FRMD4A: variants seen among roughly 807,000 people sequenced by gnomAD.
FRMD4A encodes FERM domain containing 4A.
Under a neutral mutation model 129.1 loss-of-function variants are expected in FRMD4A, and 29 were observed. The ratio of observed to expected loss-of-function variants is 0.22; its 90% CI spans 0.17 to 0.31. The LOEUF (loss-of-function observed/expected upper bound fraction) is 0.31. Ranked by LOEUF, FRMD4A falls within the 10% of genes least tolerant of loss-of-function variation. The pLI is 1.00. For missense variants in FRMD4A, 1,272 were observed against 1,375.8 expected (o/e 0.92, Z 1.19); for synonymous variants, 634 against 571.6 (o/e 1.11, Z -1.56).
chr10:14,061,492 A>G (rs1317109378), intron 2 of FRMD4A, among the ~76,000 whole-genome samples: 1 of 152,172 alleles, frequency 6.6e-6, no homozygotes, highest in Non-Finnish European at 1.5e-5. Context: ...CATTTTAAAT[A>G]TATTATTGAT....
intron 2 of FRMD4A, among the ~76,000 whole-genome samples, chr10:14,090,376 T>C (rs1836591078): frequency 6.6e-6 from 1 of 152,086 alleles, no homozygotes; most frequent in African/African-American, 2.4e-5. Context: ...GTAAATGTAG[T>C]ACAGTCAAGG....
At chr10:13,959,399 G>A (rs1367977527) in intron 2 of FRMD4A, among the ~76,000 whole-genome samples, 1 of 146,528 alleles carries the variant, frequency 6.8e-6, no homozygotes, top group Non-Finnish European at 1.5e-5. Context: ...TTGAACCCGG[G>A]AGGCAGAGGT....
At chr10:14,131,435 A>G (rs930214054) in intron 2 of FRMD4A, among the ~76,000 whole-genome samples, 4 of 146,022 alleles carry the variant, frequency 2.7e-5, no homozygotes, top group African/African-American at 1.0e-4. Context: ...GTGCTGAGTC[A>G]CTTTGGTTCA....
intron 21 of FRMD4A, among the ~76,000 whole-genome samples, chr10:13,658,975 G>A (rs1016806334): frequency 6.6e-6 from 1 of 151,972 alleles, no homozygotes; most frequent in Admixed American, 6.6e-5. Context: ...ACATTTTGAG[G>A]CACTAAAGGA....
intron 2 of FRMD4A, among the ~76,000 whole-genome samples, chr10:14,120,654 C>T (rs542062396): frequency 6.6e-6 from 1 of 152,148 alleles, no homozygotes; most frequent in African/African-American, 2.4e-5. Flanking sequence ...TCCACCTTTC[C>T]TTGCAGTTAG....
chr10:14,065,829 T>C (rs1835028574), intron 2 of FRMD4A, among the ~76,000 whole-genome samples: 1 of 152,180 alleles, frequency 6.6e-6, no homozygotes, highest in African/African-American at 2.4e-5. Flanking sequence ...ATTCAGGGTC[T>C]GAACAAACCA....
chr10:13,949,318 A>G (rs1008598868), intron 2 of FRMD4A, among the ~76,000 whole-genome samples: 1 of 144,748 alleles, frequency 6.9e-6, no homozygotes, highest in Non-Finnish European at 1.5e-5. Flanking sequence ...AAAAAAAAAA[A>G]GAAAGAAAGA....
intron 2 of FRMD4A, among the ~76,000 whole-genome samples, chr10:14,310,395 C>T (rs1473490191): frequency 6.6e-6 from 1 of 152,200 alleles, no homozygotes; most frequent in Non-Finnish European, 1.5e-5. Context: ...CAGAATTTCC[C>T]TTTTAACAAA....
At chr10:14,175,542 T>TA (rs10691411) in intron 2 of FRMD4A, among the ~76,000 whole-genome samples, 3 of 141,546 alleles carry the variant, frequency 2.1e-5, no homozygotes, top group Admixed American at 7.3e-5. Flanking sequence ...TTTTTTTTTT[T>TA]ACAGGGTGTC....
At chr10:13,881,139 T>C (rs2131122184) in intron 2 of FRMD4A, among the ~76,000 whole-genome samples, 1 of 151,946 alleles carries the variant, frequency 6.6e-6, no homozygotes, top group South Asian at 2.1e-4. Context: ...AAAGGAGGGC[T>C]GGGTGTGGTG....
intron 2 of FRMD4A, among the ~76,000 whole-genome samples, chr10:13,966,603 G>A (rs2095486753): frequency 6.6e-6 from 1 of 152,192 alleles, no homozygotes; most frequent in South Asian, 2.1e-4. Context: ...AACCCGGGTG[G>A]GACAGAAGTT....
intron 2 of FRMD4A, among the ~76,000 whole-genome samples, chr10:13,943,646 C>CAAAAAAAAAAAAA (rs55774636): frequency 3.3e-4 from 19 of 58,262 alleles, no homozygotes; most frequent in Admixed American, 5.3e-4. Context: ...GACTCTGTCT[C>CAAAAAAAAAAAAA]AAAAAAAAAA....
chr10:14,100,238 A>G (rs1445742260), intron 2 of FRMD4A, among the ~76,000 whole-genome samples: 1 of 152,120 alleles, frequency 6.6e-6, no homozygotes, highest in Non-Finnish European at 1.5e-5. Context: ...AAACGTCTCC[A>G]TTTTCTATCA....
intron 24 of FRMD4A, among the ~76,000 whole-genome samples, chr10:13,650,888 C>T (rs72767568): frequency 0.11 from 16,858 of 152,170 alleles, 1,275 homozygotes; most frequent in Non-Finnish European, 0.16. Flanking sequence ...ATAACATCTC[C>T]GTGAACTCGA....
chr10:14,271,262 TA>T (rs1247267223), intron 2 of FRMD4A, among the ~76,000 whole-genome samples: 1 of 152,206 alleles, frequency 6.6e-6, no homozygotes, highest in East Asian at 1.9e-4. Context: ...AGTACATCAC[TA>T]TACATACATT....
At chr10:14,312,480 G>A (rs2132107314) in intron 2 of FRMD4A, among the ~76,000 whole-genome samples, 1 of 152,198 alleles carries the variant, frequency 6.6e-6, no homozygotes, top group East Asian at 1.9e-4. Context: ...CTTTGATCCA[G>A]CATCATCTAT....
At chr10:14,230,856 T>G (rs1023039768) in intron 2 of FRMD4A, among the ~76,000 whole-genome samples, 3 of 152,248 alleles carry the variant, frequency 2.0e-5, no homozygotes, top group African/African-American at 7.2e-5. Flanking sequence ...AATGTTTGAC[T>G]TCCCTTTATA....
intron 15 of FRMD4A, chr10:13,693,116 C>G (rs2134827959): frequency 6.6e-6 from 1 of 151,600 alleles, no homozygotes; most frequent in South Asian, 2.1e-4. Context: ...TCAAGTGATT[C>G]TCCAGCCTCG....
In FRMD4A at chr10:14,330,692, T is replaced by A. The variant is rs544523471; in HGVS notation, c.-177A>T. The A allele has an allele frequency of 1.0e-5, 4 of 398,692 alleles. No homozygotes were observed. The South Asian group carries it at 3.9e-4, about 38-fold the overall frequency. 24.7% of individuals were successfully genotyped at this position (398,692 alleles called of 1,614,324 possible). A position where few individuals can be genotyped will look rare whatever the true frequency, so the allele number is the denominator to read the frequency against. ...GGAGTGAGACAGCCGAGTCTGACCA[T>A]GAGGCACCAGGCAGTCACTGGAGAT... On this transcript the variant is annotated 5_prime_UTR_variant, in exon 1 of 25. The change abolishes an upstream ATG in the 5' untranslated region. Transcript: ENST00000357447.
Sources: gnomAD v4.1 joint callset for allele counts (sites outside exome capture counted in the v4.1 genomes callset) on GRCh38, gnomAD v4.1.1 for gene constraint, MANE v1.5 for transcripts, NCBI Gene and HGNC (gene_info 2026-07-23, HGNC 2026-07-21) for gene names.